ACSM2A: variants seen among roughly 807,000 people sequenced by gnomAD.
ACSM2A encodes the protein acyl-CoA synthetase medium chain family member 2A.
In ACSM2A, 72 loss-of-function variants were observed where a neutral mutation model predicts 76.6. The observed-to-expected ratio is 0.94, with a 90% CI of 0.78 to 1.14. The LOEUF is 1.14. Ranked by LOEUF, ACSM2A falls within the 50% of genes most tolerant of loss-of-function variation. ACSM2A has a pLI of 0.00. For synonymous variants in ACSM2A, 249 were observed against 255.9 expected (o/e 0.97, Z 0.26); for missense variants, 684 against 708.5 (o/e 0.97, Z 0.39).
intron 10 of ACSM2A, among the ~76,000 whole-genome samples, chr16:20,479,863 T>C (rs188388420): frequency 2.0e-5 from 3 of 152,312 alleles, no homozygotes; most frequent in Admixed American, 2.0e-4. Flanking sequence ...TTCTACCTTC[T>C]GTAATGGCTG....
At position 20,486,677 on chromosome 16, in the gene ACSM2A, G is replaced by A; in HGVS notation, c.1733G>A (p.Ter578=). ...WKMSGKARAQ[*] is the part of the protein sequence containing the mutation. ...ATGTCCGGAAAAGCCCGTGCGCAGT[G>A]AGACATCTAAGAGACATTCATTTGG... The change falls in exon 14 of 14, where the codon TGA becomes TAA. Residue 578 remains the stop codon, a stop_retained_variant. Coordinates refer to ENST00000573854, the MANE Select transcript of ACSM2A (RefSeq NM_001308172.2). 6.2e-7 allele frequency: 1 copy of A among 1,614,120 alleles called. No individual in the cohort carries two copies. The highest frequency in any genetic ancestry group is 8.5e-7 in the Non-Finnish European group (1 of 1,179,978).
At chr16:20,471,844 C>T (rs1011623282) in intron 6 of ACSM2A, among the ~76,000 whole-genome samples, 155 bp downstream of exon 6, 2 of 152,178 alleles carry the variant, frequency 1.3e-5, no homozygotes, top group African/African-American at 4.8e-5. Context: ...TGGTCCCTGA[C>T]CTCACAGAGC....
chr16:20,458,321 A>G (rs1265955909), intron 1 of ACSM2A, among the ~76,000 whole-genome samples: 1 of 147,734 alleles, frequency 6.8e-6, no homozygotes, highest in Non-Finnish European at 1.5e-5. Context: ...TATTGTATCT[A>G]TATATCTATA....
At chr16:20,469,206 T>A (rs1049530162) in intron 3 of ACSM2A, among the ~76,000 whole-genome samples, 2 of 124,414 alleles carry the variant, frequency 1.6e-5, no homozygotes, top group Non-Finnish European at 3.0e-5. Flanking sequence ...CTGTAGAAAA[T>A]TTTTTTTGAG....
chr16:20,464,853 T>A (rs1034647688), intron 2 of ACSM2A, among the ~76,000 whole-genome samples: 2 of 152,036 alleles, frequency 1.3e-5, no homozygotes, highest in Admixed American at 1.3e-4. Flanking sequence ...ACTCGGGAGA[T>A]GGATGGTGGT....
At chr16:20,475,562 T>A (rs937832362) in intron 7 of ACSM2A, 88 bp from the exon 8 acceptor site, 1 of 1,605,708 alleles carries the variant, frequency 6.2e-7, no homozygotes, top group African/African-American at 1.3e-5. Context: ...GCCATTTGCA[T>A]CATCAAAGCA....
chr16:20,485,204 T>G (rs1183638654), intron 13 of ACSM2A, among the ~76,000 whole-genome samples: 2 of 152,154 alleles, frequency 1.3e-5, no homozygotes, highest in Non-Finnish European at 2.9e-5. Flanking sequence ...CCAAAGATAT[T>G]ACGAATGTTT....
At chr16:20,471,312 G>T (rs1213503040) in intron 5 of ACSM2A, 96 bp downstream of exon 5, 6 of 1,534,092 alleles carry the variant, frequency 3.9e-6, no homozygotes, top group South Asian at 3.9e-5. Flanking sequence ...GTCAACCGGG[G>T]TCCCACCTTC....
chr16:20,466,316 G>A (rs1403893553), intron 3 of ACSM2A, among the ~76,000 whole-genome samples: 1 of 152,194 alleles, frequency 6.6e-6, no homozygotes, highest in Admixed American at 6.5e-5. Context: ...CAATGGAAGT[G>A]ATATTTGAGC....
At chr16:20,474,275 A>T (rs1162937885) in intron 6 of ACSM2A, 1 of 233,612 alleles carries the variant, frequency 4.3e-6, no homozygotes, top group Non-Finnish European at 8.5e-6. Flanking sequence ...GTGTAACAGT[A>T]GTAAGCGGTG....
chr16:20,459,919 T>C (rs1382094284), intron 1 of ACSM2A, among the ~76,000 whole-genome samples, 188 bp from the exon 2 acceptor site: 1 of 152,170 alleles, frequency 6.6e-6, no homozygotes, highest in Non-Finnish European at 1.5e-5. Flanking sequence ...TATCCTCTTA[T>C]GCCTTTAGAA....
In ACSM2A at chr16:20,486,806, T is replaced by C. The variant is rs1374592484; in HGVS notation, c.*128T>C. ...CATGAATATAAGTTTTGTCTTGCCT[T>C]GGTTATTAGCACAAAACTTTACCAT... On this transcript the variant is annotated 3_prime_UTR_variant, in exon 14 of 14. Transcript: ENST00000573854. The C allele has an allele frequency of 6.8e-6, 8 of 1,183,404 alleles. No homozygotes were observed. In the African/African-American group the frequency reaches 7.7e-5, roughly 11 times the overall value. The allele number at this position is 1,183,404 out of a possible 1,614,324, so 73.3% of individuals were successfully genotyped here.
Position 20,486,752 on chromosome 16 carries a change from A to G in ACSM2A, c.*74A>G, listed in dbSNP as rs535369495. The G allele has an allele frequency of 3.9e-6, 6 of 1,523,216 alleles. No homozygotes were observed. The highest frequency in any genetic ancestry group is 2.3e-5 in the East Asian group (1 of 44,248). 94.4% of individuals were successfully genotyped at this position (1,523,216 alleles called of 1,614,324 possible). Reference sequence around the variant, plus strand: ...TTCCCTTTGGGCCCTTGGCCTTCCTATGATTATATGAGATTCTTTATGGAA... The same window carrying G: ...TTCCCTTTGGGCCCTTGGCCTTCCTGTGATTATATGAGATTCTTTATGGAA... On this transcript the variant is annotated 3_prime_UTR_variant, in exon 14 of 14. Transcript: ENST00000573854.
chr16:20,482,348 C>T (rs1216974859), intron 12 of ACSM2A: 1 of 151,862 alleles, frequency 6.6e-6, no homozygotes, highest in Non-Finnish European at 1.5e-5. Flanking sequence ...CCGTGTGCCA[C>T]AGAGTTCGCA....
At position 20,471,698 on chromosome 16, in the gene ACSM2A, G is replaced by A. The variant is rs1227525105; in HGVS notation, c.894+9G>A. 6.2e-7 allele frequency: 1 copy of A among 1,602,952 alleles called. No individual in the cohort carries two copies. Among genetic ancestry groups the A allele is most frequent in the Non-Finnish European group, 8.5e-7 (1 of 1,173,856 alleles). ...CACTGGTTATTCTAAAGGTAAGAGA[G>A]GATCCAGTTTGCAGCAGTTATTCAG... is the stretch of plus-strand genomic sequence containing the variant. On this transcript the variant is annotated intron_variant, in intron 6 of 13. Coordinates refer to ENST00000573854, the MANE Select transcript of ACSM2A (RefSeq NM_001308172.2).
At chr16:20,466,510 A>C (rs2013006194) in intron 3 of ACSM2A, among the ~76,000 whole-genome samples, 1 of 152,204 alleles carries the variant, frequency 6.6e-6, no homozygotes, top group Non-Finnish European at 1.5e-5. Context: ...ATAGACAGCC[A>C]AGTTGAAGGA....
At chr16:20,475,809 CT>C (rs756937801) in intron 8 of ACSM2A, 36 bp downstream of exon 8, 3 of 1,602,542 alleles carry the variant, frequency 1.9e-6, no homozygotes, top group African/African-American at 1.3e-5. Context: ...GCTGTGTGCA[CT>C]TTTTGGGCTT....
At chr16:20,475,052 C>T (rs573104444) in intron 6 of ACSM2A, among the ~76,000 whole-genome samples, 5 of 147,972 alleles carry the variant, frequency 3.4e-5, no homozygotes, top group African/African-American at 9.7e-5. Flanking sequence ...GGGTGATCTA[C>T]TCCTAGGGGT....
rs1436843567 is a variant in ACSM2A at position 20,478,652 on chromosome 16, C to A, written c.1256C>A (p.Pro419His). The A allele has an allele frequency of 6.2e-7, 1 of 1,613,478 alleles. No homozygotes were observed. Among genetic ancestry groups the A allele is most frequent in the South Asian group, 1.1e-5 (1 of 90,990 alleles). Reference sequence around the variant, plus strand: ...GGCATCAGGGTCAAACCCATCAGGCCTATAGGCATCTTCTCTGGCTATGTG... The same window carrying A: ...GGCATCAGGGTCAAACCCATCAGGCATATAGGCATCTTCTCTGGCTATGTG... Reference protein sequence around the residue: ...DIGIRVKPIRPIGIFSGYVDN... With the variant: ...DIGIRVKPIRHIGIFSGYVDN... Residue 419 changes from proline (P) to histidine (H), a missense_variant, in exon 10 of 14, where the codon CCT (proline) becomes CAT (histidine). Transcript: ENST00000573854.
Sources: allele counts gnomAD v4.1 joint callset (sites outside exome capture counted in the v4.1 genomes callset), GRCh38; gene constraint gnomAD v4.1.1; transcripts MANE v1.5; gene names NCBI Gene and HGNC (gene_info 2026-07-23, HGNC 2026-07-21).